CHST12: variants seen among roughly 807,000 people sequenced by gnomAD.
The protein encoded by CHST12 is carbohydrate (chondroitin 4) sulfotransferase 12.
CHST12 carries 23 observed loss-of-function variants against 27.9 expected under a neutral mutation model. The observed-to-expected ratio is 0.82, with a 90% confidence interval of 0.59 to 1.17. The LOEUF is 1.17. Ranked by LOEUF, CHST12 falls within the 50% of genes most tolerant of loss-of-function variation. The pLI is 0.00. For missense variants in CHST12, 682 were observed against 603.0 expected (o/e 1.13, Z -1.37); for synonymous variants, 322 against 273.0 (o/e 1.18, Z -1.77).
chr7:2,417,226 C>T (rs1356718774), intron 1 of CHST12, among the ~76,000 whole-genome samples: 2 of 139,092 alleles, frequency 1.4e-5, no homozygotes, highest in Non-Finnish European at 3.1e-5. Flanking sequence ...CTTACTCTAC[C>T]TTTTTTTTTT....
At chr7:2,409,694 A>G (rs1368744744) in intron 1 of CHST12, among the ~76,000 whole-genome samples, 5 of 151,962 alleles carry the variant, frequency 3.3e-5, no homozygotes, top group African/African-American at 1.2e-4. Context: ...GAGACTGTTG[A>G]GTTTCTTAAT....
chr7:2,425,938 CAG>C (rs1236798418), intron 1 of CHST12, among the ~76,000 whole-genome samples: 13 of 151,888 alleles, frequency 8.6e-5, no homozygotes, highest in African/African-American at 2.9e-4. Flanking sequence ...TGCCAGGGGT[CAG>C]GGGTTAGACG....
chr7:2,434,143 C>CGCCCGCCCG lies in CHST12; in HGVS notation c.*259_*260insGCCCGCCCG. 1 of 324,186 alleles carries CGCCCGCCCG rather than the reference C, an allele frequency of 3.1e-6. No homozygotes were observed. The highest frequency in any genetic ancestry group is 6.0e-6 in the Non-Finnish European group (1 of 167,910). The allele number at this position is 324,186 out of a possible 1,614,324, so 20.1% of individuals were successfully genotyped here. A position where few individuals can be genotyped will look rare whatever the true frequency, so the allele number is the denominator to read the frequency against. On this transcript the variant is annotated 3_prime_UTR_variant, in exon 2 of 2. Coordinates refer to ENST00000618655, the MANE Select transcript of CHST12 (RefSeq NM_018641.5). ...CCGCCCGCTCGCCCGCTCGCCCGCT[C>CGCCCGCCCG]CTGTGGTTTTTCTGAGCGTGCGGGC...
rs1394983763 is a variant in CHST12, at chr7:2,441,353, G to A, written c.*7469G>A. On this transcript the variant is annotated 3_prime_UTR_variant, in exon 2 of 2. Transcript: ENST00000618655. ...TGGAGTTCATCTTTTAGGCAAATTT[G>A]GAATAGGAACCTTAAAAATGCTTTC... 3.3e-5 allele frequency: 5 copies of A among 152,108 alleles called. No homozygotes were observed. The highest frequency in any genetic ancestry group is 4.8e-5 in the African/African-American group (2 of 41,408). 9.4% of individuals were successfully genotyped at this position (152,108 alleles called of 1,614,324 possible). A position where few individuals can be genotyped will look rare whatever the true frequency, so the allele number is the denominator to read the frequency against.
chr7:2,407,904 G>A (rs1781563945), intron 1 of CHST12, among the ~76,000 whole-genome samples: 1 of 152,062 alleles, frequency 6.6e-6, no homozygotes, highest in Non-Finnish European at 1.5e-5. Context: ...CTCCAGCCTG[G>A]GCAATAGAAT....
chr7:2,405,697 G>A (rs1460544901), intron 1 of CHST12, among the ~76,000 whole-genome samples: 2 of 152,122 alleles, frequency 1.3e-5, no homozygotes, highest in African/African-American at 2.4e-5. Flanking sequence ...TCCACTGGGC[G>A]GTGGCGCTTT....
intron 1 of CHST12, among the ~76,000 whole-genome samples, chr7:2,408,337 G>A (rs1015440343): frequency 2.2e-5 from 3 of 139,022 alleles, no homozygotes; most frequent in South Asian, 2.3e-4. Context: ...ACTCCAGCCC[G>A]GGCAACAAGG....
chr7:2,419,902 A>C (rs1358365747), intron 1 of CHST12, among the ~76,000 whole-genome samples: 2 of 142,088 alleles, frequency 1.4e-5, no homozygotes, highest in African/African-American at 5.2e-5. Flanking sequence ...CCACCATTCT[A>C]CTTTCTGTCT....
At chr7:2,410,869 C>G (rs1289088652) in intron 1 of CHST12, among the ~76,000 whole-genome samples, 2 of 152,110 alleles carry the variant, frequency 1.3e-5, no homozygotes, top group Admixed American at 6.5e-5. Context: ...GCCACTGATC[C>G]AACTTTTAAT....
rs1226664062 is a variant in CHST12, at chr7:2,447,112, A to C, written c.*13228A>C. The stretch of plus-strand genomic sequence containing the variant: ...GGCCCCCAGGGACCAGCAGCACGAA[A>C]GGCACACTGAGGCACACTGGCAGGC... On this transcript the variant is annotated 3_prime_UTR_variant, in exon 2 of 2. Coordinates refer to ENST00000618655, the MANE Select transcript of CHST12 (RefSeq NM_018641.5). 6.6e-6 allele frequency: 1 copy of C among 152,448 alleles called. No individual in the cohort carries two copies. Among genetic ancestry groups the C allele is most frequent in the East Asian group, 1.9e-4 (1 of 5,192 alleles). 9.4% of individuals were successfully genotyped at this position (152,448 alleles called of 1,614,324 possible).
chr7:2,425,914 G>A (rs1782106343), intron 1 of CHST12, among the ~76,000 whole-genome samples: 1 of 152,100 alleles, frequency 6.6e-6, no homozygotes, highest in South Asian at 2.1e-4. Context: ...GCACTCTGGT[G>A]GTGGCAGCAC....
chr7:2,413,154 C>T (rs1373575235), intron 1 of CHST12, among the ~76,000 whole-genome samples: 1 of 152,200 alleles, frequency 6.6e-6, no homozygotes, highest in Non-Finnish European at 1.5e-5. Flanking sequence ...GAAAGTCAGA[C>T]ATAAAATGAC....
chr7:2,420,632 T>C (rs1781946248), intron 1 of CHST12, among the ~76,000 whole-genome samples: 1 of 152,032 alleles, frequency 6.6e-6, no homozygotes, highest in Admixed American at 6.6e-5. Flanking sequence ...CATAGCAAGA[T>C]GCCATCTCTA....
In CHST12 at chr7:2,447,578, T is replaced by G. The variant is rs1353129041; in HGVS notation, c.*13694T>G. On this transcript the variant is annotated 3_prime_UTR_variant, in exon 2 of 2. Transcript: ENST00000618655. ...ACCTCCACCTCCCAGGTTCAAGCGA[T>G]TTTCATGCCTCAGCTTCCCGAGTAG... 6.6e-6 allele frequency: 1 copy of G among 152,124 alleles called. No homozygotes were observed. The highest frequency in any genetic ancestry group is 1.5e-5 in the Non-Finnish European group (1 of 68,154). The allele number at this position is 152,124 out of a possible 1,614,324, so 9.4% of individuals were successfully genotyped here.
rs112698684 is a variant in CHST12, at chr7:2,426,279, G to A, written c.-77-6284G>A. On this transcript the variant is annotated intron_variant, in intron 1 of 1. Transcript: ENST00000618655. ...TGGTCACAAGGGGCTTCAGAGCCAG[G>A]CTGATGTGATGGGGGCCTCTGAGCC... Among the ~76,000 whole-genome samples the A allele has an allele frequency of 5.1e-3, 779 of 152,300 alleles. 6 individuals are homozygous for A. The highest frequency in any genetic ancestry group is 0.018 in the African/African-American group (756 of 41,558).
chr7:2,447,867 T>C lies in CHST12; in HGVS notation c.*13983T>C, dbSNP rs1471212145. ...TATTCCATAGGGAGAGCAGCCTGAA[T>C]AAACACTTTTTTTGTTGTTGTTGAG... is the stretch of plus-strand genomic sequence containing the variant. On this transcript the variant is annotated 3_prime_UTR_variant, in exon 2 of 2. Coordinates refer to ENST00000618655, the MANE Select transcript of CHST12 (RefSeq NM_018641.5). 7 of 151,618 alleles carry C rather than the reference T, an allele frequency of 4.6e-5. No individual in the cohort carries two copies. The highest frequency in any genetic ancestry group is 1.0e-4 in the Non-Finnish European group (7 of 67,964). The allele number at this position is 151,618 out of a possible 1,614,324, so 9.4% of individuals were successfully genotyped here. A position where few individuals can be genotyped will look rare whatever the true frequency, so the allele number is the denominator to read the frequency against.
At chr7:2,406,238 A>G (rs1421906347) in intron 1 of CHST12, among the ~76,000 whole-genome samples, 2 of 152,122 alleles carry the variant, frequency 1.3e-5, no homozygotes, top group African/African-American at 4.8e-5. Flanking sequence ...CCTGGCCCAC[A>G]GATGTGCCTG....
intron 1 of CHST12, among the ~76,000 whole-genome samples, chr7:2,416,587 T>G (rs1418871179): frequency 6.6e-6 from 1 of 152,250 alleles, no homozygotes. Flanking sequence ...GATGTTGTGT[T>G]AGCAGGCATG....
At chr7:2,417,951 G>A (rs931478260) in intron 1 of CHST12, among the ~76,000 whole-genome samples, 9 of 152,252 alleles carry the variant, frequency 5.9e-5, no homozygotes, top group Non-Finnish European at 2.9e-5. Context: ...TGGAAAATGC[G>A]CTTCTGGGGG....
Sources: allele counts gnomAD v4.1 joint callset (sites outside exome capture counted in the v4.1 genomes callset), GRCh38; gene constraint gnomAD v4.1.1; transcripts MANE v1.5; gene names NCBI Gene and HGNC (gene_info 2026-07-23, HGNC 2026-07-21).